RIMS4: variants seen among roughly 807,000 people sequenced by gnomAD.
RIMS4 encodes the protein regulating synaptic membrane exocytosis protein 4.
A neutral mutation model predicts 29.0 loss-of-function variants in RIMS4; 9 were observed. The ratio of observed to expected loss-of-function variants is 0.31; its 90% CI spans 0.19 to 0.54. The LOEUF (loss-of-function observed/expected upper bound fraction) is 0.54. Ranked by LOEUF, RIMS4 falls within the 20% of genes least tolerant of loss-of-function variation. The probability of loss-of-function intolerance (pLI) is 0.94; values close to 1 mark genes in which losing one functional copy is unlikely to be tolerated. For synonymous variants in RIMS4, 130 were observed against 152.9 expected, an observed-to-expected ratio of 0.85 and a Z score of 1.10; for missense variants, 193 against 365.7, an observed-to-expected ratio of 0.53 and a Z score of 3.85.
intron 1 of RIMS4, among the ~76,000 whole-genome samples, chr20:44,805,018 G>C (rs555156457): frequency 3.3e-5 from 5 of 152,270 alleles, no homozygotes; most frequent in Non-Finnish European, 5.9e-5. Context: ...AAGTGGTCTG[G>C]GCTGGGCATG....
chr20:44,771,457 G>A (rs778219569), intron 1 of RIMS4, 44 bp from the exon 2 acceptor site: 4 of 1,582,644 alleles, frequency 2.5e-6, no homozygotes, highest in South Asian at 1.1e-5. Flanking sequence ...AGAGACACAG[G>A]TGGGAGGGGG....
chr20:44,806,018 G>C (rs1439959753), intron 1 of RIMS4, among the ~76,000 whole-genome samples: 1 of 152,218 alleles, frequency 6.6e-6, no homozygotes, highest in Non-Finnish European at 1.5e-5. Context: ...CAACAGATTT[G>C]GTCTGAGCGG....
chr20:44,770,744 T>C (rs192532797), intron 2 of RIMS4, among the ~76,000 whole-genome samples: 77 of 152,188 alleles, frequency 5.1e-4, no homozygotes, highest in African/African-American at 1.7e-3. Flanking sequence ...GCTCAAGAAA[T>C]GCCTTTATAA....
At chr20:44,794,961 C>T (rs1204745200) in intron 1 of RIMS4, among the ~76,000 whole-genome samples, 1 of 152,132 alleles carries the variant, frequency 6.6e-6, no homozygotes, top group Non-Finnish European at 1.5e-5. Flanking sequence ...TGCTAAAAAC[C>T]CAAGAGGGGT....
At chr20:44,757,853 C>G (rs2066067444) in intron 3 of RIMS4, 82 bp from the exon 4 acceptor site, 2 of 1,250,296 alleles carry the variant, frequency 1.6e-6, no homozygotes, top group Admixed American at 3.4e-5. Flanking sequence ...TTACTTAGGG[C>G]TGAAACCCCC....
intron 1 of RIMS4, among the ~76,000 whole-genome samples, chr20:44,800,890 C>A (rs891771132): frequency 3.9e-5 from 6 of 152,324 alleles, no homozygotes; most frequent in African/African-American, 1.4e-4. Flanking sequence ...TAGACCAGAG[C>A]GAGGAGGCCT....
At chr20:44,801,110 A>G (rs1318395175) in intron 1 of RIMS4, among the ~76,000 whole-genome samples, 1 of 152,166 alleles carries the variant, frequency 6.6e-6, no homozygotes, top group Non-Finnish European at 1.5e-5. Flanking sequence ...TCAGTTACAT[A>G]CCACAGTCAT....
At chr20:44,790,548 A>G (rs2066228506) in intron 1 of RIMS4, among the ~76,000 whole-genome samples, 3 of 152,158 alleles carry the variant, frequency 2.0e-5, no homozygotes, top group Non-Finnish European at 2.9e-5. Flanking sequence ...GTCCGCGTCT[A>G]TGTTTACCCG....
chr20:44,773,498 C>A lies in RIMS4; in HGVS notation c.98-2085G>T, dbSNP rs760629606. Among the ~76,000 whole-genome samples the A allele has an allele frequency of 5.3e-5, 8 of 151,876 alleles. 1 individual carries two copies. The South Asian group carries it at 6.2e-4, about 12-fold the overall frequency. On this transcript the variant is annotated intron_variant, in intron 1 of 5. Coordinates refer to ENST00000372851, the MANE Select transcript of RIMS4 (RefSeq NM_182970.4). ...GACGTGCAGGAACAAACACCCCCCC[C>A]ACACCCCACACTAGGGATACAGACC...
intron 1 of RIMS4, among the ~76,000 whole-genome samples, chr20:44,781,123 T>TG (rs147159713): frequency 0.018 from 2,756 of 152,104 alleles, 96 homozygotes; most frequent in African/African-American, 0.062. Flanking sequence ...TAGTAGAGTG[T>TG]GGGGGGGACA....
intron 2 of RIMS4, among the ~76,000 whole-genome samples, chr20:44,762,239 TG>T (rs1308012452): frequency 1.3e-5 from 2 of 152,216 alleles, no homozygotes; most frequent in African/African-American, 4.8e-5. Flanking sequence ...ACCGCTCACC[TG>T]CTCTGCAGCC....
chr20:44,794,738 T>C (rs962258078), intron 1 of RIMS4, among the ~76,000 whole-genome samples: 5 of 152,178 alleles, frequency 3.3e-5, no homozygotes, highest in Admixed American at 1.3e-4. Context: ...CTGACTTTTT[T>C]TGTCTCTTGC....
In RIMS4 at chr20:44,771,337, T is replaced by C. The variant is rs1183780163; in HGVS notation, c.174A>G (p.Thr58=). ...TGLAVEMPSR[T]LRQASHESIE... Reference sequence around the variant, plus strand: ...TGGACTCGTGGCTGGCCTGGCGCAGTGTCCGGCTGGGCATCTCCACTGCCA... The same window carrying C: ...TGGACTCGTGGCTGGCCTGGCGCAGCGTCCGGCTGGGCATCTCCACTGCCA... Residue 58 remains threonine, a synonymous_variant, in exon 2 of 6, where the codon ACA becomes ACG. Coordinates refer to ENST00000372851, the MANE Select transcript of RIMS4 (RefSeq NM_182970.4). The C allele has an allele frequency of 1.9e-6, 3 of 1,613,900 alleles. No individual in the cohort carries two copies. Among genetic ancestry groups the C allele is most frequent in the Non-Finnish European group, 2.5e-6 (3 of 1,179,940 alleles).
intron 2 of RIMS4, among the ~76,000 whole-genome samples, chr20:44,763,349 C>T (rs1000656091): frequency 2.0e-5 from 3 of 152,202 alleles, no homozygotes. Context: ...AGGCAAGGTG[C>T]TTTAGCACAG....
At chr20:44,783,913 G>A (rs2066196381) in intron 1 of RIMS4, among the ~76,000 whole-genome samples, 1 of 152,150 alleles carries the variant, frequency 6.6e-6, no homozygotes, top group Non-Finnish European at 1.5e-5. Flanking sequence ...ACAACTCTGT[G>A]AATAAATTAA....
At position 44,756,374 on chromosome 20, in the gene RIMS4, G is replaced by A; in HGVS notation, c.592-22C>T. 6.2e-7 allele frequency: 1 copy of A among 1,602,688 alleles called. No homozygotes were observed. Among genetic ancestry groups the A allele is most frequent in the African/African-American group, 1.3e-5 (1 of 74,722 alleles). On this transcript the variant is annotated intron_variant, in intron 5 of 5. Transcript: ENST00000372851. The surrounding 1 kb of genome is among the most constrained non-coding windows in gnomAD (Gnocchi z 5.9). ...TCACCTGTGGGGCAAGAGACACAGT[G>A]GTTCAAATCCTGCCAGTGCCACTCA...
chr20:44,764,507 A>T (rs1345018132), intron 2 of RIMS4, among the ~76,000 whole-genome samples: 1 of 152,152 alleles, frequency 6.6e-6, no homozygotes, highest in Non-Finnish European at 1.5e-5. Context: ...CTTGAAAATG[A>T]CCTGCAGTTT....
At chr20:44,795,999 G>A (rs1392718154) in intron 1 of RIMS4, among the ~76,000 whole-genome samples, 6 of 152,048 alleles carry the variant, frequency 3.9e-5, no homozygotes, top group Non-Finnish European at 7.4e-5. Context: ...AGAGGGGAGC[G>A]GGAGCGGGAG....
At chr20:44,784,584 G>C (rs893947017) in intron 1 of RIMS4, among the ~76,000 whole-genome samples, 2 of 152,224 alleles carry the variant, frequency 1.3e-5, no homozygotes, top group African/African-American at 2.4e-5. Flanking sequence ...TCTCTCTCCA[G>C]ACTGTTCTGC....
Sources: gnomAD v4.1 joint callset for allele counts (sites outside exome capture counted in the v4.1 genomes callset) on GRCh38, gnomAD v4.1.1 for gene constraint, Gnocchi (gnomAD v3.1) non-coding constraint, MANE v1.5 for transcripts, NCBI Gene and HGNC (gene_info 2026-07-23, HGNC 2026-07-21) for gene names.